The following VOPP1 variants were observed in gnomAD, a reference collection of about 807,000 sequenced individuals.
VOPP1 encodes WW domain binding protein VOPP1.
VOPP1 carries 8 observed loss-of-function variants against 23.5 expected under a neutral mutation model. The ratio of observed to expected loss-of-function variants is 0.34; its 90% confidence interval spans 0.20 to 0.61. VOPP1 has a LOEUF of 0.61. VOPP1 is among the 20% of genes least tolerant of loss of function. The pLI is 0.78. For synonymous variants in VOPP1, 83 were observed against 97.3 expected, an observed-to-expected ratio of 0.85 and a Z score of 0.86; for missense variants, 174 against 238.1, an observed-to-expected ratio of 0.73 and a Z score of 1.77.
At chr7:55,505,758 C>T (rs934070475) in intron 2 of VOPP1, among the ~76,000 whole-genome samples, 1 of 150,806 alleles carries the variant, frequency 6.6e-6, no homozygotes, top group African/African-American at 2.5e-5. Flanking sequence ...TCATTCAAGT[C>T]AATGCTAAAG....
intron 1 of VOPP1, among the ~76,000 whole-genome samples, chr7:55,522,655 ATC>A (rs1273855881): frequency 6.6e-6 from 1 of 152,032 alleles, no homozygotes; most frequent in African/African-American, 2.4e-5. Context: ...GTTCCACACA[ATC>A]AAGAGGTGAG....
chr7:55,475,304 G>A (rs770691211), intron 4 of VOPP1, among the ~76,000 whole-genome samples: 1 of 152,174 alleles, frequency 6.6e-6, no homozygotes, highest in Non-Finnish European at 1.5e-5. Flanking sequence ...AGTGGGCCGA[G>A]TGGGCAGAGC....
intron 1 of VOPP1, among the ~76,000 whole-genome samples, chr7:55,529,558 T>G (rs1796383045): frequency 6.6e-6 from 1 of 152,188 alleles, no homozygotes; most frequent in African/African-American, 2.4e-5. Flanking sequence ...AAGGATCAGG[T>G]GATCCAAGTT....
At position 55,520,501 on chromosome 7, in the gene VOPP1, C is replaced by T. The variant is rs577638385; in HGVS notation, c.113+571G>A. ...ACACGAAAACGACAGGAAGAAAATG[C>T]AGCAATGCCCTCATTACAGAAAGAC... On this transcript the variant is annotated intron_variant, in intron 2 of 4. Transcript: ENST00000285279. Among the ~76,000 whole-genome samples the T allele has an allele frequency of 3.9e-5, 6 of 152,224 alleles. No individual in the cohort carries two copies. The South Asian group carries it at 1.0e-3, about 26-fold the overall frequency.
intron 1 of VOPP1, among the ~76,000 whole-genome samples, chr7:55,536,561 C>T (rs891895923): frequency 2.0e-5 from 3 of 148,784 alleles, no homozygotes; most frequent in Non-Finnish European, 4.5e-5. Flanking sequence ...GATTTACCAC[C>T]ATGAGGATAG....
At chr7:55,501,250 G>A (rs1794345679) in intron 2 of VOPP1, among the ~76,000 whole-genome samples, 1 of 152,250 alleles carries the variant, frequency 6.6e-6, no homozygotes, top group South Asian at 2.1e-4. Flanking sequence ...TGCGATATGA[G>A]GTGAAAGGAC....
intron 4 of VOPP1, among the ~76,000 whole-genome samples, chr7:55,439,604 T>C (rs1381094731): frequency 6.6e-6 from 1 of 152,150 alleles, no homozygotes; most frequent in Admixed American, 6.5e-5. Flanking sequence ...TGGAGTGACG[T>C]CTCCAAGGAG....
rs190128806 is a variant in VOPP1 at position 55,490,152 on chromosome 7, C to A, written c.328+2130G>T. ...CCAGGTGAGCTGGCAGAGACCCTGC[C>A]GCAGAAAAATAGCACGGCCGATGTG... On this transcript the variant is annotated intron_variant, in intron 4 of 4. Coordinates refer to ENST00000285279, the MANE Select transcript of VOPP1 (RefSeq NM_030796.5). Among the ~76,000 whole-genome samples, 9 of 152,074 alleles carry A rather than the reference C, an allele frequency of 5.9e-5. No individual in the cohort carries two copies. In the East Asian group the frequency reaches 1.7e-3, roughly 30 times the overall value.
intron 1 of VOPP1, among the ~76,000 whole-genome samples, chr7:55,552,229 CA>C (rs1322353076): frequency 1.3e-5 from 2 of 151,998 alleles, no homozygotes; most frequent in African/African-American, 4.8e-5. Flanking sequence ...GTAAGATGGA[CA>C]AATATAAGCA....
intron 4 of VOPP1, among the ~76,000 whole-genome samples, chr7:55,478,263 A>T (rs1792425334): frequency 6.6e-6 from 1 of 152,224 alleles, no homozygotes; most frequent in African/African-American, 2.4e-5. Flanking sequence ...AAGCACCTTA[A>T]AGTCATAACC....
intron 4 of VOPP1, among the ~76,000 whole-genome samples, chr7:55,457,414 C>G (rs1324799922): frequency 6.6e-6 from 1 of 152,132 alleles, no homozygotes. Flanking sequence ...GTGAATAGTG[C>G]TTCAGTAAAC....
chr7:55,485,853 G>A (rs150037128), intron 4 of VOPP1, among the ~76,000 whole-genome samples: 8 of 152,354 alleles, frequency 5.3e-5, no homozygotes, highest in South Asian at 2.1e-4. Flanking sequence ...CGGAAGGGCC[G>A]GACGCAGCCA....
At chr7:55,512,518 T>C (rs763526291) in intron 2 of VOPP1, among the ~76,000 whole-genome samples, 14 of 152,192 alleles carry the variant, frequency 9.2e-5, no homozygotes, top group Non-Finnish European at 1.5e-4. Context: ...CTCCCTGTTA[T>C]AGAGACGGTG....
intron 1 of VOPP1, among the ~76,000 whole-genome samples, chr7:55,530,419 T>C (rs1277373485): frequency 1.3e-5 from 2 of 152,178 alleles, no homozygotes; most frequent in Non-Finnish European, 2.9e-5. Flanking sequence ...TGTGATCCAC[T>C]AGGTGCTTTT....
chr7:55,543,253 T>C (rs1293477916), intron 1 of VOPP1, among the ~76,000 whole-genome samples: 1 of 152,224 alleles, frequency 6.6e-6, no homozygotes, highest in Non-Finnish European at 1.5e-5. Flanking sequence ...TAATATTCCA[T>C]TGTGTATATA....
At chr7:55,495,778 G>A (rs968280433) in intron 3 of VOPP1, among the ~76,000 whole-genome samples, 3 of 152,174 alleles carry the variant, frequency 2.0e-5, no homozygotes, top group African/African-American at 7.2e-5. Context: ...TTTGTATTTC[G>A]GGTGGGGCAC....
At chr7:55,481,263 G>A (rs954194657) in intron 4 of VOPP1, among the ~76,000 whole-genome samples, 2 of 152,226 alleles carry the variant, frequency 1.3e-5, no homozygotes, top group African/African-American at 2.4e-5. Flanking sequence ...GCCAGAGCCC[G>A]CTGGGCAGCC....
At chr7:55,468,765 G>A (rs1791700631), downstream of VOPP1, among the ~76,000 whole-genome samples, 1 of 152,182 alleles carries the variant, frequency 6.6e-6, no homozygotes, top group South Asian at 2.1e-4. Flanking sequence ...TTGGCCTAAG[G>A]GAGGAGTGAA....
chr7:55,539,031 T>TA lies in VOPP1; in HGVS notation c.55-17902dup, dbSNP rs1339891537. Among the ~76,000 whole-genome samples, 341 of 75,794 alleles carry TA rather than the reference T, an allele frequency of 4.5e-3. 2 individuals are homozygous for TA. The Middle Eastern group carries it at 0.083, about 19-fold the overall frequency. The allele number at this position is 75,794 out of a possible 152,430, so 49.7% of individuals were successfully genotyped here. A position where few individuals can be genotyped will look rare whatever the true frequency, so the allele number is the denominator to read the frequency against. ...TTCATTCCTTTTTGTTTCATTCCTT[T>TA]AAAAAAAAAGGGGGGGGGGGAGGGG... On this transcript the variant is annotated intron_variant, in intron 1 of 4. Transcript: ENST00000285279.
Sources: gnomAD v4.1 joint callset for allele counts (sites outside exome capture counted in the v4.1 genomes callset) on GRCh38, gnomAD v4.1.1 for gene constraint, MANE v1.5 for transcripts, NCBI Gene and HGNC (gene_info 2026-07-23, HGNC 2026-07-21) for gene names.